Variants in DMD observed in about 807,000 individuals in gnomAD.
DMD encodes dystrophin, also known as mutant dystrophin.
In DMD, 63 loss-of-function variants were observed where a neutral mutation model predicts 330.1. That is an observed-to-expected ratio of 0.19 (90% CI 0.16 to 0.24). The LOEUF is 0.24. DMD is among the 10% of genes least tolerant of loss of function. The pLI, the probability that DMD is intolerant of heterozygous loss-of-function variation, is 1.00. For synonymous variants in DMD, 1,223 were observed against 959.8 expected, an observed-to-expected ratio of 1.27 and a Z score of -5.07; for missense variants, 3,344 against 2,684.1, an observed-to-expected ratio of 1.25 and a Z score of -5.43.
intron 62 of DMD, among the ~76,000 whole-genome samples, chrX:31,300,287 T>A (rs891731172): frequency 5.3e-5 from 6 of 112,363 alleles, no homozygotes; most frequent in African/African-American, 1.9e-4. Flanking sequence ...AAAATCTTCC[T>A]ACAGAAGTTC....
intron 3 of DMD, among the ~76,000 whole-genome samples, chrX:32,846,215 A>T (rs1287814570): frequency 8.9e-6 from 1 of 111,821 alleles, no homozygotes; most frequent in Non-Finnish European, 1.9e-5. Context: ...TATTGTACAG[A>T]AGTGAACCTC....
At chrX:32,480,365 A>T (rs181076791) in intron 21 of DMD, among the ~76,000 whole-genome samples, 226 of 97,310 alleles carry the variant, frequency 2.3e-3, no homozygotes, top group Middle Eastern at 0.02. Flanking sequence ...TGTCACATAA[A>T]TTTTATAAAT....
intron 60 of DMD, among the ~76,000 whole-genome samples, chrX:31,394,837 C>T (rs2060839374): frequency 9.1e-6 from 1 of 110,496 alleles, no homozygotes; most frequent in Non-Finnish European, 1.9e-5. Context: ...TTTTTCTCCA[C>T]TTAAATACAG....
At chrX:31,768,151 A>G (rs113407161) in intron 51 of DMD, among the ~76,000 whole-genome samples, 14,506 of 110,722 alleles carry the variant, frequency 0.13, 701 homozygotes, top group Admixed American at 0.19. Flanking sequence ...TATCCTGAAC[A>G]CCTGGCCAAA....
rs770026797 is a variant in DMD at position 32,722,101 on chromosome X, C to A, written c.650-22808G>T. Among the ~76,000 whole-genome samples the A allele has an allele frequency of 4.6e-5, 5 of 109,678 alleles. No homozygotes were observed. The South Asian group carries it at 2.0e-3, about 43-fold the overall frequency. On this transcript the variant is annotated intron_variant, in intron 7 of 78. Coordinates refer to ENST00000357033, the MANE Select transcript of DMD (RefSeq NM_004006.3). ...CAAATCCAAAGAGCAGTATTTCCAA[C>A]TTTTTTTTCCTCAAGATTGTTCTGG...
chrX:31,412,859 A>G (rs1292324411), intron 60 of DMD, among the ~76,000 whole-genome samples: 1 of 111,846 alleles, frequency 8.9e-6, no homozygotes, highest in Non-Finnish European at 1.9e-5. Context: ...CATTTTCCTT[A>G]CTCAGAGTAA....
In DMD at chrX:32,905,790, TG is replaced by T. The variant is rs2086679710; in HGVS notation, c.94-55971del. On this transcript the variant is annotated intron_variant, in intron 2 of 78. Coordinates refer to ENST00000357033, the MANE Select transcript of DMD (RefSeq NM_004006.3). ...GATTCTTTATTATGGTGGGTTGACC[TG>T]AACATTATTACATGTTTAGCAACAT... is the stretch of plus-strand genomic sequence containing the variant. Among the ~76,000 whole-genome samples the T allele has an allele frequency of 2.7e-5, 3 of 111,286 alleles. No homozygotes were observed. The South Asian group carries it at 1.2e-3, about 43-fold the overall frequency.
intron 48 of DMD, among the ~76,000 whole-genome samples, chrX:31,855,318 C>T (rs958973103): frequency 8.9e-6 from 1 of 111,791 alleles, no homozygotes; most frequent in Admixed American, 9.5e-5. Context: ...TAGAAAGGCA[C>T]ATATTAAACA....
At chrX:32,922,428 C>G (rs1416834965) in intron 2 of DMD, among the ~76,000 whole-genome samples, 1 of 111,966 alleles carries the variant, frequency 8.9e-6, no homozygotes, top group Non-Finnish European at 1.9e-5. Context: ...GACCTACCCC[C>G]TAAGCTTTAG....
intron 77 of DMD, among the ~76,000 whole-genome samples, chrX:31,127,721 T>TA (rs968322769): frequency 1.8e-5 from 2 of 111,344 alleles, no homozygotes; most frequent in Non-Finnish European, 3.8e-5. Context: ...TGAGAACTAC[T>TA]AGTCTGGAAT....
At chrX:31,378,580 C>T (rs907247183) in intron 60 of DMD, among the ~76,000 whole-genome samples, 1 of 110,221 alleles carries the variant, frequency 9.1e-6, no homozygotes. Context: ...AGGTGTCTGA[C>T]CACACGGGGA....
intron 45 of DMD, among the ~76,000 whole-genome samples, chrX:31,957,093 G>A (rs1211144919): frequency 8.9e-6 from 1 of 111,751 alleles, no homozygotes; most frequent in Non-Finnish European, 1.9e-5. Context: ...CACTGTGGGA[G>A]GCTAAGATGA....
At chrX:33,322,086 C>T (rs2054023982) in intron 1 of DMD, among the ~76,000 whole-genome samples, 1 of 111,718 alleles carries the variant, frequency 9.0e-6, no homozygotes, top group South Asian at 3.7e-4. Flanking sequence ...GACTGCTTTG[C>T]TTTCTTTTCA....
chrX:31,719,672 G>A (rs1373885489), intron 52 of DMD, among the ~76,000 whole-genome samples: 1 of 111,631 alleles, frequency 9.0e-6, no homozygotes, highest in Non-Finnish European at 1.9e-5. Flanking sequence ...ATTGACATTT[G>A]TGGGAGTGTC....
intron 45 of DMD, among the ~76,000 whole-genome samples, chrX:31,940,682 CT>C (rs112016307): frequency 1.9e-3 from 184 of 99,401 alleles, no homozygotes; most frequent in East Asian, 3.2e-3. Context: ...GAGGTGTGGG[CT>C]TTTTTTTTTT....
At chrX:32,223,513 A>G (rs917989819) in intron 43 of DMD, among the ~76,000 whole-genome samples, 1 of 111,608 alleles carries the variant, frequency 9.0e-6, no homozygotes, top group African/African-American at 3.3e-5. Flanking sequence ...ACATTCCCAA[A>G]CATGTCTCCT....
chrX:32,696,203 T>C (rs187264077), intron 9 of DMD, among the ~76,000 whole-genome samples: 4 of 111,903 alleles, frequency 3.6e-5, no homozygotes, highest in East Asian at 5.7e-4. Flanking sequence ...TCCTTTGAAG[T>C]AGAGCAGGTA....
At chrX:32,549,335 T>C (rs907667051) in intron 16 of DMD, among the ~76,000 whole-genome samples, 16 of 111,591 alleles carry the variant, frequency 1.4e-4, no homozygotes, top group African/African-American at 4.9e-4. Context: ...CAAGGACAGC[T>C]TCATGGGCTG....
At chrX:32,560,505 G>A in intron 16 of DMD, among the ~76,000 whole-genome samples, 1 of 110,485 alleles carries the variant, frequency 9.1e-6, no homozygotes. Context: ...GGAGGTAAAT[G>A]TGTGCCACGG....
Sources: allele counts gnomAD v4.1 joint callset (sites outside exome capture counted in the v4.1 genomes callset), GRCh38; gene constraint gnomAD v4.1.1; transcripts MANE v1.5; gene names NCBI Gene and HGNC (gene_info 2026-07-23, HGNC 2026-07-21).